The following KHDRBS3 variants were observed in gnomAD, a reference collection of about 807,000 sequenced individuals.
KHDRBS3 encodes KH RNA binding domain containing, signal transduction associated 3, also known as KH domain-containing, RNA-binding, signal transduction-associated protein 3.
KHDRBS3 carries 23 observed loss-of-function variants against 45.6 expected under a neutral mutation model. The observed-to-expected ratio is 0.50, with a 90% CI of 0.36 to 0.72. The LOEUF (loss-of-function observed/expected upper bound fraction) is 0.72. Ranked by LOEUF, KHDRBS3 falls within the 30% of genes least tolerant of loss-of-function variation. The pLI, the probability that KHDRBS3 is intolerant of heterozygous loss-of-function variation, is 0.00. For synonymous variants in KHDRBS3, 162 were observed against 156.5 expected (o/e 1.04, Z -0.26); for missense variants, 352 against 424.8 (o/e 0.83, Z 1.51).
rs1825803663 is a variant in KHDRBS3, at chr8:135,536,990, AAAAAAAAGGAG to A, written c.208-5662_208-5652del. On this transcript the variant is annotated intron_variant, in intron 2 of 8. Transcript: ENST00000355849. ...TCAAAAAAAAAAAAAAAAAAAAAAA[AAAAAAAAGGAG>A]ATGTTTAGGAGGTAAAATCATTAAC... Among the ~76,000 whole-genome samples, 2 of 43,004 alleles carry A rather than the reference AAAAAAAAGGAG, an allele frequency of 4.7e-5. 1 individual carries two copies. Among genetic ancestry groups the A allele is most frequent in the African/African-American group, 2.7e-4 (2 of 7,304 alleles). 28.2% of individuals were successfully genotyped at this position (43,004 alleles called of 152,430 possible).
intron 1 of KHDRBS3, among the ~76,000 whole-genome samples, chr8:135,474,805 G>T (rs1822188675): frequency 6.6e-6 from 1 of 152,194 alleles, no homozygotes; most frequent in African/African-American, 2.4e-5. Flanking sequence ...CAAATTTGGT[G>T]GCTTTATGAC....
chr8:135,548,576 A>C (rs1826425807), intron 3 of KHDRBS3, among the ~76,000 whole-genome samples, 178 bp from the exon 4 acceptor site: 1 of 152,160 alleles, frequency 6.6e-6, no homozygotes. Context: ...AAGCCTGGGA[A>C]TATCAGGATC....
chr8:135,597,568 C>G (rs1829027738), intron 6 of KHDRBS3, among the ~76,000 whole-genome samples: 1 of 152,068 alleles, frequency 6.6e-6, no homozygotes. Flanking sequence ...CCCCAACACT[C>G]TCATTATCTT....
intron 5 of KHDRBS3, among the ~76,000 whole-genome samples, chr8:135,561,488 C>T (rs1466786314): frequency 1.3e-5 from 2 of 151,820 alleles, no homozygotes; most frequent in Admixed American, 1.3e-4. Flanking sequence ...ATCCAAACCT[C>T]TCCTCTCTGC....
chr8:135,508,506 A>G (rs144098061), intron 1 of KHDRBS3, among the ~76,000 whole-genome samples: 1 of 152,292 alleles, frequency 6.6e-6, no homozygotes, highest in African/African-American at 2.4e-5. Context: ...TGACCTCTGG[A>G]GCCTGATAAT....
chr8:135,510,081 G>A (rs893090802), intron 1 of KHDRBS3, among the ~76,000 whole-genome samples: 1 of 149,998 alleles, frequency 6.7e-6, no homozygotes, highest in African/African-American at 2.5e-5. Context: ...CTGGGCTCAA[G>A]CGATTCTCCT....
chr8:135,526,897 G>A (rs1825216379), intron 2 of KHDRBS3, among the ~76,000 whole-genome samples: 1 of 149,742 alleles, frequency 6.7e-6, no homozygotes, highest in Non-Finnish European at 1.5e-5. Flanking sequence ...TTTTTTAGAA[G>A]TTTTTTTTAG....
chr8:135,621,333 C>A lies in KHDRBS3; in HGVS notation c.890+14296C>A, dbSNP rs532630912. Among the ~76,000 whole-genome samples the A allele has an allele frequency of 5.3e-5, 8 of 152,292 alleles. No individual in the cohort carries two copies. The South Asian group carries it at 1.5e-3, about 28-fold the overall frequency. On this transcript the variant is annotated intron_variant, in intron 7 of 8. Coordinates refer to ENST00000355849, the MANE Select transcript of KHDRBS3 (RefSeq NM_006558.3). ...TGTAAAGCACTTTGCACAGTGCCTA[C>A]CAGTTAGTTGCCAAGGAAATACTTG...
At chr8:135,644,320 G>A (rs943827516) in intron 7 of KHDRBS3, among the ~76,000 whole-genome samples, 4 of 152,162 alleles carry the variant, frequency 2.6e-5, no homozygotes, top group African/African-American at 7.2e-5. Context: ...ACATTGGAAC[G>A]TGGATTTGCC....
intron 3 of KHDRBS3, among the ~76,000 whole-genome samples, chr8:135,548,238 G>A (rs888635659): frequency 6.6e-6 from 1 of 152,198 alleles, no homozygotes; most frequent in Non-Finnish European, 1.5e-5. Context: ...AGCAGTCACA[G>A]TGTCTGCTCC....
chr8:135,461,111 A>T (rs1821407707), intron 1 of KHDRBS3, among the ~76,000 whole-genome samples: 3 of 151,822 alleles, frequency 2.0e-5, no homozygotes, highest in African/African-American at 2.4e-5. Flanking sequence ...TTATTTATTT[A>T]TTTTTTTGAG....
rs770172725 is a variant in KHDRBS3, at chr8:135,589,519, G to A, written c.807+7446G>A. On this transcript the variant is annotated intron_variant, in intron 6 of 8. Coordinates refer to ENST00000355849, the MANE Select transcript of KHDRBS3 (RefSeq NM_006558.3). ...AGCAGGAACTGTAAACTGTTTTCCC[G>A]AGCTCTTGGCTCCCTTTGAATGTGC... is the stretch of plus-strand genomic sequence containing the variant. Among the ~76,000 whole-genome samples, 97 of 152,200 alleles carry A rather than the reference G, an allele frequency of 6.4e-4. 1 individual carries two copies. Among genetic ancestry groups the A allele is most frequent in the African/African-American group, 3.9e-4 (16 of 41,532 alleles).
rs1347791650 is a variant in KHDRBS3 at position 135,582,047 on chromosome 8, C to G, written c.781C>G (p.Pro261Ala). 1 of 1,583,726 alleles carries G rather than the reference C, an allele frequency of 6.3e-7. No homozygotes were observed. The highest frequency in any genetic ancestry group is 8.6e-7 in the Non-Finnish European group (1 of 1,162,148). Residue 261 changes from proline to alanine, a missense_variant, in exon 6 of 9, where the codon CCG becomes GCG. By Grantham distance (27) the Pro-to-Ala change is conservative. Around this residue, in one of 6 missense-constraint regions of KHDRBS3, gnomAD observed 212 missense variants for 209.6 expected, o/e 1.01. Transcript: ENST00000355849. ...PTGYRPPPPP[P>A]TQETYGEYDY... is the part of the protein sequence containing the mutation. ...TGGGTACAGACCTCCACCGCCACCCCCGACACAAGAGACTTATGGAGAATA... is the reference window on the plus strand; with the variant it reads ...TGGGTACAGACCTCCACCGCCACCCGCGACACAAGAGACTTATGGAGAATA...
chr8:135,491,765 C>T (rs1300653522), intron 1 of KHDRBS3, among the ~76,000 whole-genome samples: 1 of 152,064 alleles, frequency 6.6e-6, no homozygotes, highest in Non-Finnish European at 1.5e-5. Context: ...AATAAGACAA[C>T]GTTGTTTTAG....
chr8:135,626,107 A>T (rs976108694), intron 7 of KHDRBS3: 7 of 503,598 alleles, frequency 1.4e-5, no homozygotes, highest in Non-Finnish European at 2.5e-5. Flanking sequence ...GACTCATTTA[A>T]AAAGGACTTC....
At chr8:135,580,704 T>A (rs1291532228) in intron 5 of KHDRBS3, among the ~76,000 whole-genome samples, 2 of 151,426 alleles carry the variant, frequency 1.3e-5, no homozygotes, top group Non-Finnish European at 2.9e-5. Context: ...CCTCAGCCTC[T>A]TGGGTTCAAG....
At chr8:135,477,167 T>C (rs1451162903) in intron 1 of KHDRBS3, among the ~76,000 whole-genome samples, 1 of 152,176 alleles carries the variant, frequency 6.6e-6, no homozygotes, top group Non-Finnish European at 1.5e-5. Flanking sequence ...GATAGATAGA[T>C]ACAGCCATAT....
chr8:135,484,289 G>A (rs1026162444), intron 1 of KHDRBS3, among the ~76,000 whole-genome samples: 3 of 152,306 alleles, frequency 2.0e-5, no homozygotes, highest in East Asian at 1.9e-4. Context: ...GGCTGATCAC[G>A]CCTTAGTACA....
chr8:135,611,941 A>G (rs11166605), intron 7 of KHDRBS3, among the ~76,000 whole-genome samples: 56,604 of 151,748 alleles, frequency 0.37, 12,051 homozygotes, highest in South Asian at 0.53. Context: ...AATAGTAGAC[A>G]TTAACAAGGA....
Sources: allele counts gnomAD v4.1 joint callset (sites outside exome capture counted in the v4.1 genomes callset), GRCh38; gene constraint gnomAD v4.1.1; regional missense constraint gnomAD v4.1.1; transcripts MANE v1.5; gene names NCBI Gene and HGNC (gene_info 2026-07-23, HGNC 2026-07-21).